ANK2: variants seen among roughly 807,000 people sequenced by gnomAD.
The protein encoded by ANK2 is ankyrin-2.
In ANK2, 83 loss-of-function variants were observed where a neutral mutation model predicts 360.5. The ratio of observed to expected loss-of-function variants is 0.23; its 90% CI spans 0.19 to 0.28. The LOEUF is 0.28. Among genes scored for constraint, ANK2 ranks in the 10% least tolerant of loss-of-function variants. The pLI is 1.00. For synonymous variants in ANK2, 1,740 were observed against 1,759.5 expected (o/e 0.99, Z 0.28); for missense variants, 4,201 against 4,795.7 (o/e 0.88, Z 3.66).
chr4:112,821,503 T>A (rs532347982), intron 1 of ANK2, among the ~76,000 whole-genome samples: 43 of 151,424 alleles, frequency 2.8e-4, no homozygotes, highest in African/African-American at 1.0e-3. Context: ...ACCCTAATTT[T>A]TTTTTTTATT....
At chr4:113,063,268 CAA>C (rs2074284783) in intron 1 of ANK2, among the ~76,000 whole-genome samples, 1 of 152,022 alleles carries the variant, frequency 6.6e-6, no homozygotes, top group African/African-American at 2.4e-5. Context: ...TAAGGGCTCT[CAA>C]ATCATACCTG....
At chr4:113,185,661 C>T (rs1004954241) in intron 2 of ANK2, among the ~76,000 whole-genome samples, 3 of 152,054 alleles carry the variant, frequency 2.0e-5, no homozygotes, top group African/African-American at 7.2e-5. Context: ...CTGTAGGTTG[C>T]CTATTTACTC....
intron 24 of ANK2, among the ~76,000 whole-genome samples, chr4:113,312,758 G>A (rs923767197): frequency 6.6e-6 from 1 of 152,174 alleles, no homozygotes; most frequent in African/African-American, 2.4e-5. Flanking sequence ...ATGCAGTGTT[G>A]CTGGAGTGTA....
chr4:113,037,039 G>A (rs1431102288), intron 2 of ANK2, among the ~76,000 whole-genome samples: 4 of 151,950 alleles, frequency 2.6e-5, no homozygotes, highest in African/African-American at 4.8e-5. Context: ...TGATGCTAAT[G>A]TTACTTGCAG....
rs183126304 is a variant in ANK2, at chr4:112,888,521, A to C, written c.-39-15934A>C. On this transcript the variant is annotated intron_variant, in intron 1 of 30. Coordinates refer to the ANK2 transcript ENST00000503271. Reference sequence around the variant, plus strand: ...CTTCTGGCAAGTTTTAACATGGTAAAGAGCTTGAAACAGCTCTGAATTTTT... The same window carrying C: ...CTTCTGGCAAGTTTTAACATGGTAACGAGCTTGAAACAGCTCTGAATTTTT... Among the ~76,000 whole-genome samples, 3 of 152,352 alleles carry C rather than the reference A, an allele frequency of 2.0e-5. No homozygotes were observed. In the East Asian group the frequency reaches 5.8e-4, roughly 29 times the overall value.
upstream of ANK2, among the ~76,000 whole-genome samples, chr4:113,046,613 C>A (rs144916076): frequency 2.8e-4 from 43 of 152,138 alleles, 1 homozygote; most frequent in African/African-American, 2.9e-4. Context: ...GAGACCTGGC[C>A]CTCACCAGAC....
At chr4:113,179,548 A>G (rs2098339647) in intron 2 of ANK2, among the ~76,000 whole-genome samples, 1 of 152,084 alleles carries the variant, frequency 6.6e-6, no homozygotes, top group Admixed American at 6.6e-5. Flanking sequence ...TCAAGTTTTC[A>G]TTTTTCTTTT....
chr4:112,797,402 A>T, the ANK2 span: 1 of 153,268 alleles, frequency 6.5e-6, no homozygotes, highest in Non-Finnish European at 1.5e-5. Context: ...CTGCCCGGCC[A>T]TTCTATGAAT....
chr4:113,319,459 T>G (rs1405473569), intron 26 of ANK2, among the ~76,000 whole-genome samples: 3 of 151,552 alleles, frequency 2.0e-5, no homozygotes, highest in Non-Finnish European at 4.4e-5. Context: ...TATATCAAAA[T>G]GCAATATTTT....
At chr4:112,806,801 A>T in the ANK2 span, among the ~76,000 whole-genome samples, 1 of 152,212 alleles carries the variant, frequency 6.6e-6, no homozygotes. Flanking sequence ...ACTGTACTCC[A>T]GCCTAGGTGA....
chr4:113,140,641 T>A (rs2096603098), intron 1 of ANK2, among the ~76,000 whole-genome samples: 1 of 151,350 alleles, frequency 6.6e-6, no homozygotes, highest in South Asian at 2.1e-4. Context: ...CTCATGGCAA[T>A]TTTTTTTTCA....
chr4:112,752,542 AT>A, the ANK2 span, among the ~76,000 whole-genome samples: 45,689 of 147,490 alleles, frequency 0.31, 6,928 homozygotes, highest in East Asian at 0.35. Flanking sequence ...GGCCTGGCTA[AT>A]TTTTTTTTTT....
the ANK2 span, among the ~76,000 whole-genome samples, chr4:112,717,514 G>A: frequency 9.2e-4 from 140 of 152,182 alleles, 1 homozygote; most frequent in African/African-American, 3.2e-3. Context: ...TAGATGCATC[G>A]TACTGTGATA....
chr4:113,169,768 A>G (rs1049872154), intron 1 of ANK2, among the ~76,000 whole-genome samples: 4 of 152,220 alleles, frequency 2.6e-5, no homozygotes, highest in African/African-American at 9.6e-5. Context: ...TATTAAAAAC[A>G]TAAAGCCACA....
the ANK2 span, among the ~76,000 whole-genome samples, chr4:112,806,813 A>G: frequency 1.3e-5 from 2 of 152,196 alleles, no homozygotes; most frequent in African/African-American, 4.8e-5. Flanking sequence ...CCTAGGTGAC[A>G]GAGTGAGACC....
At chr4:113,132,732 G>A (rs567845179) in intron 1 of ANK2, among the ~76,000 whole-genome samples, 1 of 152,208 alleles carries the variant, frequency 6.6e-6, no homozygotes, top group South Asian at 2.1e-4. Context: ...CATCCACAAT[G>A]TAGGAAATAG....
At position 112,992,555 on chromosome 4, in the gene ANK2, G is replaced by C. The variant is rs932535687; in HGVS notation, c.21+88041G>C. On this transcript the variant is annotated intron_variant, in intron 2 of 30. Transcript: ENST00000503271. ...ACCTAAAAAACAGAAATTTATTTCC[G>C]ACAGTTCTGGAGAGTTTGAGTTGTG... Among the ~76,000 whole-genome samples, 27 of 152,270 alleles carry C rather than the reference G, an allele frequency of 1.8e-4. No homozygotes were observed. The East Asian group carries it at 3.3e-3, about 18-fold the overall frequency.
At chr4:113,121,866 C>CA (rs1441737442) in intron 1 of ANK2, among the ~76,000 whole-genome samples, 1 of 151,842 alleles carries the variant, frequency 6.6e-6, no homozygotes, top group East Asian at 1.9e-4. Flanking sequence ...AAATCTCCCC[C>CA]CCCACCACAT....
At chr4:112,975,240 T>C (rs1330861958) in intron 2 of ANK2, among the ~76,000 whole-genome samples, 3 of 152,180 alleles carry the variant, frequency 2.0e-5, no homozygotes, top group Admixed American at 1.3e-4. Flanking sequence ...TCTGTTGATG[T>C]TTCTGTTCAC....
Sources: allele counts gnomAD v4.1 joint callset (sites outside exome capture counted in the v4.1 genomes callset), GRCh38; gene constraint gnomAD v4.1.1; transcripts MANE v1.5; gene names NCBI Gene and HGNC (gene_info 2026-07-23, HGNC 2026-07-21).